The following AK8 variants were observed in gnomAD, a reference collection of about 807,000 sequenced individuals.
The protein encoded by AK8 is adenylate kinase 8, also known as ATP-AMP transphosphorylase 8.
AK8 carries 44 observed loss-of-function variants against 54.6 expected under a neutral mutation model. That is an observed-to-expected ratio of 0.81 (90% confidence interval 0.63 to 1.04). The LOEUF (loss-of-function observed/expected upper bound fraction) is 1.04, where lower values mean the gene tolerates loss of function less well. Ranked by LOEUF, AK8 falls within the 50% of genes least tolerant of loss-of-function variation. AK8 has a pLI of 0.00. For synonymous variants in AK8, 239 were observed against 245.6 expected (o/e 0.97, Z 0.25); for missense variants, 555 against 613.6 (o/e 0.90, Z 1.01).
intron 11 of AK8, among the ~76,000 whole-genome samples, chr9:132,748,188 A>G (rs1355406330): frequency 6.6e-6 from 1 of 151,770 alleles, no homozygotes; most frequent in East Asian, 1.9e-4. Context: ...CTACAGGACC[A>G]ACATAATGGT....
At chr9:132,808,497 A>G (rs1266708869) in intron 10 of AK8, among the ~76,000 whole-genome samples, 1 of 152,196 alleles carries the variant, frequency 6.6e-6, no homozygotes, top group East Asian at 1.9e-4. Context: ...GGAAAACAGT[A>G]CAGTTATTAA....
chr9:132,792,845 A>G, intron 10 of AK8, 70 bp from the exon 11 acceptor site: 2 of 1,488,782 alleles, frequency 1.3e-6, no homozygotes, highest in Non-Finnish European at 9.0e-7. Context: ...TCCTAACTTT[A>G]CTTGGCCATA....
In AK8 at chr9:132,792,731, G is replaced by A. The variant is rs1564403506; in HGVS notation, c.1024C>T (p.Gln342Ter). 6.4e-7 allele frequency: 1 copy of A among 1,558,286 alleles called. No individual in the cohort carries two copies. Among genetic ancestry groups the A allele is most frequent in the African/African-American group, 1.4e-5 (1 of 73,598 alleles). Residue 342 changes from glutamine (Q) to a stop codon, truncating the protein, a stop_gained, in exon 11 of 13, where the codon CAG becomes TAG. Coordinates refer to ENST00000298545, the MANE Select transcript of AK8 (RefSeq NM_152572.3). LOFTEE classifies it high-confidence loss of function. ...CAGCCTTTCTGGATGCAGTCCTGCT[G>A]GTCCAGGCGCTGGCTCAGCACCTTC... ...LMKVLSQRLD[Q>*]QDCIQKGWVL...
intron 11 of AK8, among the ~76,000 whole-genome samples, chr9:132,732,130 G>A (rs570982672): frequency 1.4e-5 from 2 of 143,512 alleles, no homozygotes; most frequent in Non-Finnish European, 3.0e-5. Context: ...CCTACAAAGT[G>A]CTCTGTGGTG....
At position 132,790,303 on chromosome 9, in the gene AK8, C is replaced by T. The variant is rs7028282; in HGVS notation, c.1121+2331G>A. On this transcript the variant is annotated intron_variant, in intron 11 of 12. Coordinates refer to ENST00000298545, the MANE Select transcript of AK8 (RefSeq NM_152572.3). This position sits in a 1 kb window ranked among gnomAD's most constrained non-coding sequence, Gnocchi z 4.1. ...TCTCACTCTGTCGCTCAGGCTGGAGCGCAGTGGCGTGATCTCAGCTCACTG... is the reference window on the plus strand; with the variant it reads ...TCTCACTCTGTCGCTCAGGCTGGAGTGCAGTGGCGTGATCTCAGCTCACTG... Among the ~76,000 whole-genome samples the T allele has an allele frequency of 0.044, 6,629 of 151,628 alleles. 453 individuals carry two copies. The highest frequency in any genetic ancestry group is 0.15 in the African/African-American group (6,158 of 41,272).
intron 11 of AK8, among the ~76,000 whole-genome samples, chr9:132,734,692 C>T (rs1019451820): frequency 6.6e-6 from 1 of 152,112 alleles, no homozygotes; most frequent in Admixed American, 6.6e-5. Flanking sequence ...GCTACAATCA[C>T]ACCACTGTAC....
chr9:132,809,206 A>G (rs150688223), intron 10 of AK8, among the ~76,000 whole-genome samples: 14 of 152,268 alleles, frequency 9.2e-5, no homozygotes, highest in African/African-American at 2.9e-4. Flanking sequence ...GAAAAGGGGA[A>G]TCTGGGATGT....
At chr9:132,866,055 G>A (rs557484366) in intron 3 of AK8, among the ~76,000 whole-genome samples, 5 of 151,748 alleles carry the variant, frequency 3.3e-5, no homozygotes, top group African/African-American at 4.8e-5. Flanking sequence ...TAAATTAGCC[G>A]CGCATGGTGG....
intron 1 of AK8, among the ~76,000 whole-genome samples, chr9:132,876,625 C>T (rs1844113637): frequency 1.3e-5 from 2 of 152,258 alleles, no homozygotes; most frequent in South Asian, 2.1e-4. Context: ...TGACAATGTG[C>T]TACAGTTATG....
intron 11 of AK8, among the ~76,000 whole-genome samples, chr9:132,738,076 CAGAG>C (rs1296036129): frequency 1.3e-4 from 19 of 149,138 alleles, no homozygotes; most frequent in East Asian, 8.0e-4. Flanking sequence ...TTTTTTGAGA[CAGAG>C]TCTCACTCTG....
chr9:132,736,680 G>C (rs1228196540), intron 11 of AK8, among the ~76,000 whole-genome samples: 1 of 151,086 alleles, frequency 6.6e-6, no homozygotes, highest in African/African-American at 2.4e-5. Context: ...AGCTACTCCG[G>C]AGGCTGAAGC....
chr9:132,854,204 G>A (rs538087745), intron 5 of AK8, among the ~76,000 whole-genome samples: 7 of 152,190 alleles, frequency 4.6e-5, no homozygotes, highest in South Asian at 2.1e-4. Context: ...TGTCTCAAAC[G>A]TATATATACA....
intron 9 of AK8, among the ~76,000 whole-genome samples, chr9:132,821,127 TA>T (rs774596259): frequency 2.8e-3 from 408 of 143,576 alleles, no homozygotes; most frequent in African/African-American, 3.2e-3. Context: ...CAATTTGAAT[TA>T]AAAAAAAAAA....
intron 10 of AK8, among the ~76,000 whole-genome samples, chr9:132,805,388 G>A (rs997917356): frequency 2.0e-5 from 3 of 152,208 alleles, no homozygotes; most frequent in Non-Finnish European, 4.4e-5. Flanking sequence ...CCAGTGACAA[G>A]GAACAGCGCT....
intron 2 of AK8, among the ~76,000 whole-genome samples, chr9:132,872,954 G>A (rs1843918070): frequency 6.6e-6 from 1 of 152,210 alleles, no homozygotes. Flanking sequence ...TGGGACTACA[G>A]GCGCCCGCCA....
At chr9:132,839,163 C>G (rs1029387751) in intron 5 of AK8, among the ~76,000 whole-genome samples, 4 of 152,134 alleles carry the variant, frequency 2.6e-5, no homozygotes, top group African/African-American at 9.7e-5. Flanking sequence ...AGGCTGGTCT[C>G]GAACTCCTGA....
chr9:132,764,492 G>A (rs141194012), intron 11 of AK8, among the ~76,000 whole-genome samples: 198 of 152,114 alleles, frequency 1.3e-3, no homozygotes, highest in African/African-American at 4.7e-3. Context: ...CATTACAACT[G>A]GTACCACAGA....
intron 11 of AK8, among the ~76,000 whole-genome samples, chr9:132,741,862 T>C (rs554397752): frequency 2.2e-4 from 33 of 152,108 alleles, no homozygotes; most frequent in Non-Finnish European, 4.4e-4. Context: ...TCTCTACGGA[T>C]TTTCCTATTC....
chr9:132,853,775 C>A (rs2131380749), intron 5 of AK8, among the ~76,000 whole-genome samples: 1 of 106,664 alleles, frequency 9.4e-6, no homozygotes, highest in East Asian at 2.9e-4. Context: ...CAGAGCAAGA[C>A]TCTGCCTCAA....
Sources: gnomAD v4.1 joint callset for allele counts (sites outside exome capture counted in the v4.1 genomes callset) on GRCh38, gnomAD v4.1.1 for gene constraint, Gnocchi (gnomAD v3.1) non-coding constraint, MANE v1.5 for transcripts, NCBI Gene and HGNC (gene_info 2026-07-23, HGNC 2026-07-21) for gene names.